PDE4D: variants seen among roughly 807,000 people sequenced by gnomAD.
PDE4D encodes the protein 3',5'-cyclic-AMP phosphodiesterase 4D.
A neutral mutation model predicts 87.4 loss-of-function variants in PDE4D; 24 were observed. The observed-to-expected ratio is 0.27, with a 90% CI of 0.20 to 0.39. PDE4D has a LOEUF of 0.39. Among genes scored for constraint, PDE4D ranks in the 10% least tolerant of loss-of-function variants. The pLI is 1.00. For synonymous variants in PDE4D, 384 were observed against 383.2 expected, an observed-to-expected ratio of 1.00 and a Z score of -0.02; for missense variants, 714 against 1,041.0, an observed-to-expected ratio of 0.69 and a Z score of 4.32.
intron 1 of PDE4D, among the ~76,000 whole-genome samples, chr5:59,278,074 GA>G (rs1765159579): frequency 6.6e-6 from 1 of 152,026 alleles, no homozygotes; most frequent in Non-Finnish European, 1.5e-5. Context: ...TATGTTGTAA[GA>G]CCATTGAGAT....
At chr5:59,286,453 C>T (rs764154581) in intron 1 of PDE4D, among the ~76,000 whole-genome samples, 2 of 152,084 alleles carry the variant, frequency 1.3e-5, no homozygotes, top group Non-Finnish European at 2.9e-5. Context: ...CTAAACAAAT[C>T]GTATTTTAAG....
In PDE4D at chr5:59,099,247, C is replaced by T. The variant is rs925947755; in HGVS notation, c.809-60276G>A. ...ATTAAGAAATTTCCCCCAAAGGACA[C>T]AACTGGTTAGCCAAAGAACTAGGTG... On this transcript the variant is annotated intron_variant, in intron 5 of 14. Transcript: ENST00000340635. Among the ~76,000 whole-genome samples, 4 of 152,152 alleles carry T rather than the reference C, an allele frequency of 2.6e-5. No homozygotes were observed. In the South Asian group the frequency reaches 8.3e-4, roughly 32 times the overall value.
At chr5:59,013,486 A>T (rs1246814339) in intron 6 of PDE4D, among the ~76,000 whole-genome samples, 1 of 150,852 alleles carries the variant, frequency 6.6e-6, no homozygotes, top group Non-Finnish European at 1.5e-5. Context: ...CCAATCCCCC[A>T]GAGATACAAA....
At chr5:59,367,292 A>G (rs1783220057) in intron 1 of PDE4D, among the ~76,000 whole-genome samples, 1 of 152,240 alleles carries the variant, frequency 6.6e-6, no homozygotes, top group Non-Finnish European at 1.5e-5. Flanking sequence ...ATTACTCCTG[A>G]AAAGCATTTC....
At chr5:60,096,534 A>C in intron 2 of PDE4D, among the ~76,000 whole-genome samples, 1 of 152,118 alleles carries the variant, frequency 6.6e-6, no homozygotes, top group East Asian at 1.9e-4. Context: ...TCTCTACTGA[A>C]GTTCACGATA....
chr5:59,985,123 C>CATTTT (rs1561944275), intron 3 of PDE4D, among the ~76,000 whole-genome samples: 1 of 80,244 alleles, frequency 1.2e-5, no homozygotes, highest in African/African-American at 3.1e-5. Context: ...CTTCACCTTT[C>CATTTT]GTTTTTTGTT....
At chr5:60,320,585 C>A (rs1015774796) in intron 1 of PDE4D, among the ~76,000 whole-genome samples, 1 of 152,164 alleles carries the variant, frequency 6.6e-6, no homozygotes, top group African/African-American at 2.4e-5. Context: ...ACGCTGGGAG[C>A]TTTAGACTGG....
Position 58,972,529 on chromosome 5 carries a change from C to A in PDE4D, c.*2135G>T, listed in dbSNP as rs1742795482. On this transcript the variant is annotated 3_prime_UTR_variant, in exon 15 of 15. Coordinates refer to ENST00000340635, the MANE Select transcript of PDE4D (RefSeq NM_001104631.2). ...CTGGCTGATGACTTACTTTCCAGTCCCCAGGAGGCTCCTTGAGAAGTTCCA... is the reference window on the plus strand; with the variant it reads ...CTGGCTGATGACTTACTTTCCAGTCACCAGGAGGCTCCTTGAGAAGTTCCA... 1 of 152,120 alleles carries A rather than the reference C, an allele frequency of 6.6e-6. No individual in the cohort carries two copies. Among genetic ancestry groups the A allele is most frequent in the East Asian group, 1.9e-4 (1 of 5,192 alleles). 9.4% of individuals were successfully genotyped at this position (152,120 alleles called of 1,614,324 possible).
intron 1 of PDE4D, among the ~76,000 whole-genome samples, chr5:59,681,900 CAAAAA>C (rs11266968): frequency 3.1e-5 from 3 of 96,444 alleles, no homozygotes; most frequent in Admixed American, 2.4e-4. Context: ...GACTCTGTCT[CAAAAA>C]AAAAAAAAAA....
chr5:59,000,737 A>G (rs1750352031), intron 6 of PDE4D, among the ~76,000 whole-genome samples: 1 of 152,124 alleles, frequency 6.6e-6, no homozygotes, highest in Admixed American at 6.5e-5. Flanking sequence ...CGCCCAGGCT[A>G]GAGTGCAGTA....
At chr5:59,541,743 C>G (rs1015229158) in intron 1 of PDE4D, among the ~76,000 whole-genome samples, 3 of 152,206 alleles carry the variant, frequency 2.0e-5, no homozygotes, top group African/African-American at 7.2e-5. Context: ...GCAAGTCTAT[C>G]AACTTATAGT....
At chr5:60,203,649 C>T (rs943683016) in intron 1 of PDE4D, among the ~76,000 whole-genome samples, 1 of 152,142 alleles carries the variant, frequency 6.6e-6, no homozygotes, top group South Asian at 2.1e-4. Context: ...ACAGTAATAG[C>T]TTTAAATGTA....
In PDE4D at chr5:59,486,044, CCTT is replaced by C. The variant is rs139988221; in HGVS notation, c.456-270079_456-270077del. Among the ~76,000 whole-genome samples the C allele has an allele frequency of 5.0e-3, 764 of 152,110 alleles. 6 individuals are homozygous for C. Among genetic ancestry groups the C allele is most frequent in the African/African-American group, 0.017 (692 of 41,488 alleles). ...ACAAGCTTGTAGAGAATGATCAACT[CCTT>C]CTGATTCCTTCAATTATTATCACTA... On this transcript the variant is annotated intron_variant, in intron 1 of 14. Transcript: ENST00000340635.
At chr5:59,915,162 T>G (rs1405045193) in intron 3 of PDE4D, among the ~76,000 whole-genome samples, 1 of 152,204 alleles carries the variant, frequency 6.6e-6, no homozygotes, top group African/African-American at 2.4e-5. Flanking sequence ...CTATAGAGAT[T>G]CTGAGTTAGA....
intron 1 of PDE4D, among the ~76,000 whole-genome samples, chr5:59,882,975 C>T (rs557853828): frequency 2.0e-5 from 3 of 152,202 alleles, no homozygotes; most frequent in South Asian, 2.1e-4. Flanking sequence ...GACAGGGTTT[C>T]GCCATGTTGG....
intron 1 of PDE4D, among the ~76,000 whole-genome samples, chr5:59,250,895 A>C (rs1374251212): frequency 1.3e-5 from 2 of 152,172 alleles, no homozygotes; most frequent in Non-Finnish European, 2.9e-5. Flanking sequence ...GGACCATCTG[A>C]TCTTCGACAA....
chr5:59,169,875 G>C (rs533113447), intron 5 of PDE4D, among the ~76,000 whole-genome samples: 1 of 152,106 alleles, frequency 6.6e-6, no homozygotes, highest in Non-Finnish European at 1.5e-5. Flanking sequence ...GGAAAGTCTG[G>C]GAATCAGTCA....
At chr5:59,358,081 T>C (rs1034244325) in intron 1 of PDE4D, among the ~76,000 whole-genome samples, 2 of 152,236 alleles carry the variant, frequency 1.3e-5, no homozygotes, top group African/African-American at 4.8e-5. Context: ...AAGGGAGTCT[T>C]GAATATTCAT....
At chr5:60,213,626 A>AT (rs1021759580) in intron 1 of PDE4D, among the ~76,000 whole-genome samples, 1 of 152,054 alleles carries the variant, frequency 6.6e-6, no homozygotes, top group Non-Finnish European at 1.5e-5. Flanking sequence ...AACAGAATAA[A>AT]TTTTTTTTAA....
Sources: allele counts gnomAD v4.1 joint callset (sites outside exome capture counted in the v4.1 genomes callset), GRCh38; gene constraint gnomAD v4.1.1; transcripts MANE v1.5; gene names NCBI Gene and HGNC (gene_info 2026-07-23, HGNC 2026-07-21).